The following MARCHF8 variants were observed in gnomAD, a reference collection of about 807,000 sequenced individuals.
The protein encoded by MARCHF8 is E3 ubiquitin-protein ligase MARCHF8.
In MARCHF8, 40 loss-of-function variants were observed where a neutral mutation model predicts 51.6. That is an observed-to-expected ratio of 0.77 (90% CI 0.60 to 1.01). The LOEUF (loss-of-function observed/expected upper bound fraction) is 1.01. Among genes scored for constraint, MARCHF8 ranks in the 50% least tolerant of loss-of-function variants. The pLI, the probability that MARCHF8 is intolerant of heterozygous loss-of-function variation, is 0.00. For synonymous variants in MARCHF8, 263 were observed against 280.3 expected, an observed-to-expected ratio of 0.94 and a Z score of 0.62; for missense variants, 685 against 708.6, an observed-to-expected ratio of 0.97 and a Z score of 0.38.
chr10:45,511,277 A>G (rs1024280373), intron 2 of MARCHF8, among the ~76,000 whole-genome samples: 2 of 152,218 alleles, frequency 1.3e-5, no homozygotes, highest in African/African-American at 4.8e-5. Flanking sequence ...ATTTTAAAAT[A>G]ATGTATCCAA....
intron 1 of MARCHF8, among the ~76,000 whole-genome samples, chr10:45,592,576 A>G (rs2044693011): frequency 6.6e-6 from 1 of 152,228 alleles, no homozygotes. Context: ...TTACCACCAG[A>G]AGTATAAACC....
rs1190578422 is a variant in MARCHF8, at chr10:45,463,418, A to C, written c.821T>G (p.Leu274Arg). Reference sequence around the variant, plus strand: ...GCTCTCCAGCTCATGGAACCTGTGCAGGCTGCTGGCGCTCAAGCCGTGCGA... The same window carrying C: ...GCTCTCCAGCTCATGGAACCTGTGCCGGCTGCTGGCGCTCAAGCCGTGCGA... ...SLSHGLSASS[L>R]HRFHELESCA... Residue 274 changes from leucine to arginine, a missense_variant, in exon 5 of 8, where the codon CTG (leucine) becomes CGG (arginine). By Grantham distance (102) the Leu-to-Arg change is moderately radical. Transcript: ENST00000453424. 3 of 1,550,620 alleles carry C rather than the reference A, an allele frequency of 1.9e-6. No individual in the cohort carries two copies. The Admixed American group carries it at 5.9e-5, about 30-fold the overall frequency.
At chr10:45,464,440 C>T in intron 3 of MARCHF8, 113 bp from the exon 4 acceptor site, 3 of 825,916 alleles carry the variant, frequency 3.6e-6, no homozygotes, top group Admixed American at 3.9e-5. Context: ...CTTCCCGCTG[C>T]TCAACGAGTA....
At chr10:45,565,434 A>C (rs918695831) in intron 1 of MARCHF8, among the ~76,000 whole-genome samples, 8 of 152,178 alleles carry the variant, frequency 5.3e-5, no homozygotes, top group Non-Finnish European at 1.0e-4. Context: ...GCATCATAAA[A>C]ATAAAAATAA....
exon 1 of MARCHF8, chr10:45,594,267 C>T (rs546756871): frequency 1.3e-5 from 2 of 152,364 alleles, no homozygotes; most frequent in Admixed American, 1.3e-4. Flanking sequence ...CGAATGTACG[C>T]AGGTCTCTCG....
At chr10:45,561,562 C>A (rs558678978) in intron 1 of MARCHF8, among the ~76,000 whole-genome samples, 1 of 151,574 alleles carries the variant, frequency 6.6e-6, no homozygotes, top group East Asian at 2.0e-4. Flanking sequence ...GCGTGAGCCA[C>A]CACGCCCAGC....
intron 2 of MARCHF8, among the ~76,000 whole-genome samples, chr10:45,531,997 G>A (rs566396622): frequency 8.5e-5 from 13 of 152,286 alleles, no homozygotes; most frequent in African/African-American, 2.9e-4. Context: ...CATTGCTGCT[G>A]AAGCTCTCAC....
At chr10:45,518,798 C>A (rs755771959) in intron 2 of MARCHF8, among the ~76,000 whole-genome samples, 15 of 152,298 alleles carry the variant, frequency 9.8e-5, no homozygotes, top group Non-Finnish European at 2.1e-4. Flanking sequence ...GGTTCTAGAG[C>A]CCTCTTGTAA....
At chr10:45,564,621 T>C (rs535383366) in intron 1 of MARCHF8, among the ~76,000 whole-genome samples, 1 of 152,228 alleles carries the variant, frequency 6.6e-6, no homozygotes, top group African/African-American at 2.4e-5. Context: ...AATACTGACT[T>C]ATAAATCCAA....
intron 1 of MARCHF8, among the ~76,000 whole-genome samples, chr10:45,588,721 G>A (rs1378123280): frequency 2.0e-5 from 3 of 152,096 alleles, no homozygotes; most frequent in Admixed American, 6.5e-5. Context: ...ATTATAGGCC[G>A]GGTGCAGTGG....
rs1220062186 is a variant in MARCHF8, at chr10:45,458,440, C to T, written c.1521G>A (p.Leu507=). Residue 507 remains leucine, a synonymous_variant, in exon 8 of 8, where the codon TTG becomes TTA. Transcript: ENST00000453424. ...TATTATAGGCCTTGAGTCTCTTCCA[C>T]AATTGCACATACACTTTACACTGAA... is the stretch of plus-strand genomic sequence containing the variant. ...MYVQCKVYVQ[L]WKRLKAYNRV... The T allele has an allele frequency of 6.2e-7, 1 of 1,614,052 alleles. No homozygotes were observed. The highest frequency in any genetic ancestry group is 8.5e-7 in the Non-Finnish European group (1 of 1,180,044).
At chr10:45,588,781 G>A (rs1461508614) in intron 1 of MARCHF8, among the ~76,000 whole-genome samples, 4 of 151,962 alleles carry the variant, frequency 2.6e-5, no homozygotes, top group South Asian at 4.1e-4. Context: ...GGTGGATCAC[G>A]AGGTCAAGAG....
Position 45,458,119 on chromosome 10 carries a change from TATAA to T in MARCHF8, c.*116_*119del, listed in dbSNP as rs1842662924. 1.7e-5 allele frequency: 18 copies of T among 1,074,938 alleles called. No homozygotes were observed. Among genetic ancestry groups the T allele is most frequent in the Admixed American group, 2.9e-5 (1 of 34,312 alleles). The allele number at this position is 1,074,938 out of a possible 1,614,324, so 66.6% of individuals were successfully genotyped here. On this transcript the variant is annotated 3_prime_UTR_variant, in exon 8 of 8. Transcript: ENST00000453424. ...GAGGGTTTAGAAAAAGAGAAGCCACTATAAATAGTCACCTGTCCAGTCTATGCTA... is the reference window on the plus strand; with the variant it reads ...GAGGGTTTAGAAAAAGAGAAGCCACTATAGTCACCTGTCCAGTCTATGCTA...
At chr10:45,534,179 ACCC>A (rs1210113034) in intron 1 of MARCHF8, among the ~76,000 whole-genome samples, 1 of 141,004 alleles carries the variant, frequency 7.1e-6, no homozygotes, top group East Asian at 2.5e-4. Flanking sequence ...CGAGACTCCA[ACCC>A]CCCAACCTCC....
intron 1 of MARCHF8, among the ~76,000 whole-genome samples, chr10:45,556,589 T>A (rs560756982): frequency 4.5e-4 from 69 of 152,344 alleles, no homozygotes; most frequent in Non-Finnish European, 9.3e-4. Flanking sequence ...GTCTGTATGC[T>A]TTAATAATAA....
chr10:45,513,870 A>ATTC (rs1478117281), intron 2 of MARCHF8, among the ~76,000 whole-genome samples: 1 of 152,178 alleles, frequency 6.6e-6, no homozygotes, highest in East Asian at 1.9e-4. Context: ...CCCAGAATGA[A>ATTC]TGCTCCAGCA....
chr10:45,586,200 T>C (rs1292531775), intron 1 of MARCHF8, among the ~76,000 whole-genome samples: 1 of 152,158 alleles, frequency 6.6e-6, no homozygotes, highest in Non-Finnish European at 1.5e-5. Context: ...GAAAGTTCTC[T>C]TTTGCTCCTC....
intron 2 of MARCHF8, among the ~76,000 whole-genome samples, chr10:45,510,928 T>G (rs2043487639): frequency 6.6e-6 from 1 of 152,234 alleles, no homozygotes; most frequent in African/African-American, 2.4e-5. Context: ...GGGAATATGT[T>G]GCCCTGCTTA....
chr10:45,479,736 G>A (rs1165483755), intron 3 of MARCHF8, among the ~76,000 whole-genome samples: 4 of 152,210 alleles, frequency 2.6e-5, no homozygotes, highest in Non-Finnish European at 5.9e-5. Context: ...GTGGAACTGT[G>A]AGTCCATTAA....
Sources: gnomAD v4.1 joint callset for allele counts (sites outside exome capture counted in the v4.1 genomes callset) on GRCh38, gnomAD v4.1.1 for gene constraint, MANE v1.5 for transcripts, NCBI Gene and HGNC (gene_info 2026-07-23, HGNC 2026-07-21) for gene names.